The following BBS4 variants were observed in gnomAD, a reference collection of about 807,000 sequenced individuals.
BBS4 encodes BBSome complex member BBS4.
Under a neutral mutation model 71.4 loss-of-function variants are expected in BBS4, and 58 were observed. The ratio of observed to expected loss-of-function variants is 0.81; its 90% CI spans 0.66 to 1.01. The LOEUF (loss-of-function observed/expected upper bound fraction) is 1.01. Ranked by LOEUF, BBS4 falls within the 50% of genes least tolerant of loss-of-function variation. The probability of loss-of-function intolerance (pLI) is 0.00; values close to 1 mark genes in which losing one functional copy is unlikely to be tolerated. For missense variants in BBS4, 660 were observed against 607.9 expected, an observed-to-expected ratio of 1.09 and a Z score of -0.90; for synonymous variants, 228 against 216.8, an observed-to-expected ratio of 1.05 and a Z score of -0.46.
At chr15:72,727,906 A>T (rs761072005) in intron 8 of BBS4, 34 bp from the exon 9 acceptor site, 18 of 1,548,426 alleles carry the variant, frequency 1.2e-5, no homozygotes, top group Non-Finnish European at 1.5e-5. Context: ...TCTCATCTAC[A>T]TCTTGTTTCC....
At chr15:72,714,220 C>CTT (rs58123834) in intron 4 of BBS4, among the ~76,000 whole-genome samples, 1,945 of 98,298 alleles carry the variant, frequency 0.02, 70 homozygotes, top group Middle Eastern at 0.033. Flanking sequence ...CACTCACTTA[C>CTT]TTTTTTTTTT....
intron 12 of BBS4, among the ~76,000 whole-genome samples, chr15:72,732,209 G>T (rs188607525): frequency 4.6e-5 from 7 of 152,096 alleles, no homozygotes; most frequent in African/African-American, 1.7e-4. Flanking sequence ...TATATAATTG[G>T]TCTATTATTA....
intron 1 of BBS4, chr15:72,686,874 G>T (rs1380341946): frequency 3.2e-6 from 1 of 311,620 alleles, no homozygotes; most frequent in East Asian, 8.4e-5. Context: ...TGTTTACCTT[G>T]CTTTAGTGTT....
Position 72,705,936 on chromosome 15 carries a change from AC to A in BBS4, c.77-3763del, listed in dbSNP as rs1020145699. On this transcript the variant is annotated intron_variant, in intron 2 of 15. Transcript: ENST00000268057. ...AATAACAGCTAAGACTTGAAAATTA[AC>A]ATTTTATAAATTTTCTTTTAGACTA... 7.2e-5 allele frequency among the ~76,000 whole-genome samples: 11 copies of A among 152,222 alleles called. No homozygotes were observed. The East Asian group carries it at 2.1e-3, about 29-fold the overall frequency.
At chr15:72,691,713 C>G (rs1400865398) in intron 1 of BBS4, among the ~76,000 whole-genome samples, 1 of 152,078 alleles carries the variant, frequency 6.6e-6, no homozygotes, top group African/African-American at 2.4e-5. Context: ...CGCCTGTAAT[C>G]CTAGCACTTT....
In BBS4 at chr15:72,709,742, A is replaced by G. The variant is rs1190175927; in HGVS notation, c.119A>G (p.His40Arg). Residue 40 changes from histidine to arginine, a missense_variant, in exon 3 of 16, where the codon CAT (histidine) becomes CGT (arginine). Physicochemically the swap from His to Arg is conservative, Grantham distance 29. Transcript: ENST00000268057. Reference sequence around the variant, plus strand: ...TTGGAGAAGCAGAACTGGTTGATTCATCTTCATTATATCCGGAAAGATTAT... The same window carrying G: ...TTGGAGAAGCAGAACTGGTTGATTCGTCTTCATTATATCCGGAAAGATTAT... ...PILEKQNWLI[H>R]LHYIRKDYEA... 3 of 1,613,736 alleles carry G rather than the reference A, an allele frequency of 1.9e-6. No homozygotes were observed. The highest frequency in any genetic ancestry group is 1.3e-5 in the African/African-American group (1 of 74,918).
At chr15:72,734,515 G>A (rs2065883939) in intron 12 of BBS4, among the ~76,000 whole-genome samples, 1 of 152,198 alleles carries the variant, frequency 6.6e-6, no homozygotes, top group Non-Finnish European at 1.5e-5. Flanking sequence ...ACAGTGCAAG[G>A]ACTTTATCTT....
At chr15:72,700,895 T>G (rs1172852096) in intron 2 of BBS4, among the ~76,000 whole-genome samples, 1 of 152,254 alleles carries the variant, frequency 6.6e-6, no homozygotes, top group African/African-American at 2.4e-5. Flanking sequence ...TCTGCATTAA[T>G]ATTGCAGAAA....
At chr15:72,712,984 T>C (rs2065402519) in intron 4 of BBS4, among the ~76,000 whole-genome samples, 1 of 151,876 alleles carries the variant, frequency 6.6e-6, no homozygotes, top group Non-Finnish European at 1.5e-5. Context: ...ATAGTTTCTT[T>C]AGGTCCTTAT....
chr15:72,711,460 T>A (rs1259277603), intron 3 of BBS4, among the ~76,000 whole-genome samples: 1 of 152,100 alleles, frequency 6.6e-6, no homozygotes, highest in Non-Finnish European at 1.5e-5. Flanking sequence ...CCAGTATGAA[T>A]CTTGAAAGGT....
chr15:72,710,390 T>C (rs528754964), intron 3 of BBS4, among the ~76,000 whole-genome samples: 5 of 151,828 alleles, frequency 3.3e-5, no homozygotes, highest in South Asian at 2.1e-4. Context: ...TTAGTAGAGA[T>C]GGGGTTTCAC....
In BBS4 at chr15:72,738,398, T is replaced by TATC. The variant is rs2065970891; in HGVS notation, c.*817_*819dup. On this transcript the variant is annotated 3_prime_UTR_variant, in exon 16 of 16. Transcript: ENST00000268057. ...TGTCCTTTTTAGAATAAAGATTACA[T>TATC]ATCATCATTCCTTTGGGGAAAATTG... The TATC allele has an allele frequency of 2.4e-6, 1 of 416,622 alleles. No homozygotes were observed. Among genetic ancestry groups the TATC allele is most frequent in the African/African-American group, 2.1e-5 (1 of 48,352 alleles). The allele number at this position is 416,622 out of a possible 1,614,324, so 25.8% of individuals were successfully genotyped here. A position where few individuals can be genotyped will look rare whatever the true frequency, so the allele number is the denominator to read the frequency against.
In BBS4 at chr15:72,712,305, A is replaced by G. The variant is rs994383634; in HGVS notation, c.218A>G (p.Gln73Arg). 12 of 1,613,088 alleles carry G rather than the reference A, an allele frequency of 7.4e-6. No individual in the cohort carries two copies. The highest frequency in any genetic ancestry group is 2.2e-5 in the East Asian group (1 of 44,884). The part of the protein sequence containing the change: ...QGLCEYAIYV[Q>R]ALIFRLEGNI... ...TTGTGTGAATATGCTATCTATGTCC[A>G]AGGTAAGACACATACTTCTTGTCTT... The change falls in exon 4 of 16, where the codon CAA becomes CGA. Residue 73 changes from glutamine to arginine, a missense_variant and splice_region_variant. By Grantham distance (43) the Gln-to-Arg change is conservative (BLOSUM62 1). Transcript: ENST00000268057.
chr15:72,708,791 T>C (rs2065311999), intron 2 of BBS4, among the ~76,000 whole-genome samples: 1 of 152,206 alleles, frequency 6.6e-6, no homozygotes, highest in Non-Finnish European at 1.5e-5. Context: ...TGTCTTATGC[T>C]GTTGACATAA....
intron 2 of BBS4, 64 bp from the exon 3 acceptor site, chr15:72,709,636 G>A (rs2065329397): frequency 8.6e-7 from 1 of 1,166,422 alleles, no homozygotes; most frequent in South Asian, 1.2e-5. Flanking sequence ...TTAGACATGA[G>A]GACAGTGCTA....
chr15:72,714,726 T>C (rs757739463), intron 4 of BBS4, among the ~76,000 whole-genome samples: 2 of 152,260 alleles, frequency 1.3e-5, no homozygotes, highest in Non-Finnish European at 2.9e-5. Context: ...AATGCTCTTA[T>C]TCCCAGTGTC....
chr15:72,710,876 C>G lies in BBS4; in HGVS notation c.156+1097C>G, dbSNP rs181178078. 7.4e-4 allele frequency among the ~76,000 whole-genome samples: 112 copies of G among 151,870 alleles called. 1 individual carries two copies. Among genetic ancestry groups the G allele is most frequent in the Middle Eastern group, 3.4e-3 (1 of 290 alleles). On this transcript the variant is annotated intron_variant, in intron 3 of 15. Coordinates refer to ENST00000268057, the MANE Select transcript of BBS4 (RefSeq NM_033028.5). ...CGCAATCTCGGCTCACTGCAACCCC[C>G]GCTTTCCAGTTTCAAGCAATTCTCC... is the stretch of plus-strand genomic sequence containing the variant.
intron 9 of BBS4, 122 bp downstream of exon 9, chr15:72,728,116 T>C: frequency 1.4e-6 from 1 of 718,738 alleles, no homozygotes; most frequent in Non-Finnish European, 2.5e-6. Context: ...GTTCATGAAC[T>C]ACACTCTCTC....
rs1442960393 is a variant in BBS4, at chr15:72,737,334, G to GT, written c.1451-142dup. On this transcript the variant is annotated intron_variant, in intron 15 of 15. Coordinates refer to ENST00000268057, the MANE Select transcript of BBS4 (RefSeq NM_033028.5). ...AACTTGACTGTTGCTTTATTTCTCA[G>GT]TTATAGTCTTCCCTTATAGTTAATG... The GT allele has an allele frequency of 4.2e-6, 3 of 717,718 alleles. No homozygotes were observed. The East Asian group carries it at 8.1e-5, about 19-fold the overall frequency. The allele number at this position is 717,718 out of a possible 1,614,324, so 44.5% of individuals were successfully genotyped here. A position where few individuals can be genotyped will look rare whatever the true frequency, so the allele number is the denominator to read the frequency against.
Sources: gnomAD v4.1 joint callset for allele counts (sites outside exome capture counted in the v4.1 genomes callset) on GRCh38, gnomAD v4.1.1 for gene constraint, MANE v1.5 for transcripts, NCBI Gene and HGNC (gene_info 2026-07-23, HGNC 2026-07-21) for gene names.